Variants in TPD52 observed in about 807,000 individuals in gnomAD.
TPD52 encodes the protein prostate and colon associated protein.
In TPD52, 17 loss-of-function variants were observed where a neutral mutation model predicts 31.3. The observed-to-expected ratio is 0.54, with a 90% CI of 0.37 to 0.82. The LOEUF is 0.82. TPD52 is among the 40% of genes least tolerant of loss of function. The probability of loss-of-function intolerance (pLI) is 0.00; values close to 1 mark genes in which losing one functional copy is unlikely to be tolerated. For missense variants in TPD52, 212 were observed against 240.1 expected, an observed-to-expected ratio of 0.88 and a Z score of 0.77; for synonymous variants, 83 against 89.6, an observed-to-expected ratio of 0.93 and a Z score of 0.42.
intron 2 of TPD52, among the ~76,000 whole-genome samples, chr8:80,055,126 A>C (rs1364502925): frequency 1.3e-5 from 2 of 152,154 alleles, no homozygotes; most frequent in African/African-American, 4.8e-5. Flanking sequence ...AAAGCTTCAG[A>C]CACTTCTAAG....
chr8:80,081,156 C>A (rs866177027), intron 1 of TPD52, among the ~76,000 whole-genome samples: 6 of 109,396 alleles, frequency 5.5e-5, no homozygotes, highest in Non-Finnish European at 8.9e-5. Flanking sequence ...TTTTCTCTCT[C>A]TTTTTTTTTT....
chr8:80,161,194 C>T (rs1229106432), intron 1 of TPD52, among the ~76,000 whole-genome samples: 1 of 152,230 alleles, frequency 6.6e-6, no homozygotes, highest in East Asian at 1.9e-4. Context: ...TTAACCAACA[C>T]CGTCTCTTCT....
intron 1 of TPD52, among the ~76,000 whole-genome samples, chr8:80,093,114 G>A (rs1816415960): frequency 6.6e-6 from 1 of 152,160 alleles, no homozygotes; most frequent in Non-Finnish European, 1.5e-5. Context: ...AAAACCGGCT[G>A]TGTCACAACA....
chr8:80,048,567 A>C (rs1433684843), intron 5 of TPD52, among the ~76,000 whole-genome samples: 1 of 152,230 alleles, frequency 6.6e-6, no homozygotes, highest in Non-Finnish European at 1.5e-5. Flanking sequence ...TCTACAGCCT[A>C]AGCTCCCTTT....
At chr8:80,116,614 T>C (rs1563638055) in intron 1 of TPD52, among the ~76,000 whole-genome samples, 2 of 151,936 alleles carry the variant, frequency 1.3e-5, no homozygotes, top group Non-Finnish European at 2.9e-5. Flanking sequence ...CAGCATAAAA[T>C]AGAAGAGGAG....
intron 1 of TPD52, among the ~76,000 whole-genome samples, chr8:80,087,038 A>G (rs1419971607): frequency 6.6e-6 from 1 of 152,218 alleles, no homozygotes; most frequent in Non-Finnish European, 1.5e-5. Flanking sequence ...TCAGAAAATA[A>G]GAGTATGCAT....
intron 1 of TPD52, among the ~76,000 whole-genome samples, chr8:80,106,819 C>CA (rs1807157674): frequency 6.7e-6 from 1 of 148,966 alleles, no homozygotes; most frequent in Non-Finnish European, 1.5e-5. Context: ...ATATAAACCA[C>CA]AAAAAGCAAA....
At chr8:80,110,017 C>T (rs987183816) in intron 1 of TPD52, among the ~76,000 whole-genome samples, 2 of 152,114 alleles carry the variant, frequency 1.3e-5, no homozygotes, top group Admixed American at 6.5e-5. Context: ...GGGAGTTCAC[C>T]AAAATGCCCA....
chr8:80,139,469 T>C (rs1809670727), intron 1 of TPD52, among the ~76,000 whole-genome samples: 1 of 152,170 alleles, frequency 6.6e-6, no homozygotes, highest in Admixed American at 6.5e-5. Context: ...CATTTAAAAT[T>C]ATAAACTGTC....
chr8:80,169,253 T>C (rs1811919846), intron 1 of TPD52, among the ~76,000 whole-genome samples: 1 of 152,154 alleles, frequency 6.6e-6, no homozygotes, highest in Non-Finnish European at 1.5e-5. Context: ...AGTGCTGGGA[T>C]TACAGGTGTG....
At chr8:80,033,720 T>C (rs1210094845), downstream of TPD52, among the ~76,000 whole-genome samples, 2 of 152,138 alleles carry the variant, frequency 1.3e-5, no homozygotes, top group Admixed American at 6.5e-5. Context: ...AGGAGCGTTA[T>C]TGAATGACAG....
chr8:80,169,066 C>T (rs750286175), intron 1 of TPD52, among the ~76,000 whole-genome samples: 1 of 152,202 alleles, frequency 6.6e-6, no homozygotes, highest in Non-Finnish European at 1.5e-5. Context: ...CTCACTGCAA[C>T]CTCTGCCTCC....
chr8:80,088,666 A>C (rs962291868), intron 1 of TPD52, among the ~76,000 whole-genome samples: 1 of 152,206 alleles, frequency 6.6e-6, no homozygotes, highest in Non-Finnish European at 1.5e-5. Flanking sequence ...GTGTCTCCCC[A>C]GCTTCATGTG....
chr8:80,094,914 G>T (rs768553218), intron 1 of TPD52, among the ~76,000 whole-genome samples: 6 of 152,096 alleles, frequency 3.9e-5, no homozygotes, highest in Non-Finnish European at 8.8e-5. Flanking sequence ...GGAAGCCCTG[G>T]GAGAGGCAGG....
intron 1 of TPD52, among the ~76,000 whole-genome samples, chr8:80,148,317 A>AGTATGTGTGTGTGT (rs1554594167): frequency 6.3e-5 from 9 of 143,888 alleles, no homozygotes; most frequent in Non-Finnish European, 9.0e-5. Context: ...TTCCTGGCTA[A>AGTATGTGTGTGTGT]GTGTGTGTGT....
At chr8:80,086,911 C>CAAAAAAAAAAAAAAAAAAAAAAAAA (rs1815845476) in intron 1 of TPD52, among the ~76,000 whole-genome samples, 1 of 88,646 alleles carries the variant, frequency 1.1e-5, no homozygotes, top group Non-Finnish European at 2.4e-5. Context: ...AAAAAAAAAT[C>CAAAAAAAAAAAAAAAAAAAAAAAAA]AAATTTACTG....
rs140758543 is a variant in TPD52 at position 80,121,948 on chromosome 8, A to C, written c.19+49477T>G. ...ATTATAATTATGTAATTAATAAAGA[A>C]ATTATGTTTATCATTATTTCTACTT... On this transcript the variant is annotated intron_variant, in intron 1 of 7. Transcript: ENST00000518937. Among the ~76,000 whole-genome samples the C allele has an allele frequency of 1.2e-4, 12 of 99,262 alleles. No homozygotes were observed. The East Asian group carries it at 4.4e-3, about 36-fold the overall frequency. The allele number at this position is 99,262 out of a possible 152,430, so 65.1% of individuals were successfully genotyped here. A position where few individuals can be genotyped will look rare whatever the true frequency, so the allele number is the denominator to read the frequency against.
chr8:80,053,189 C>T, intron 3 of TPD52, 93 bp downstream of exon 3: 1 of 1,356,420 alleles, frequency 7.4e-7, no homozygotes, highest in Non-Finnish European at 9.8e-7. Context: ...GCTGCTGAAG[C>T]ATCCTTATCC....
chr8:80,114,629 C>T (rs1807733904), intron 1 of TPD52, among the ~76,000 whole-genome samples: 1 of 152,150 alleles, frequency 6.6e-6, no homozygotes, highest in South Asian at 2.1e-4. Context: ...CCCTAACTGA[C>T]CTTTCCATCC....
Sources: gnomAD v4.1 joint callset for allele counts (sites outside exome capture counted in the v4.1 genomes callset) on GRCh38, gnomAD v4.1.1 for gene constraint, MANE v1.5 for transcripts, NCBI Gene and HGNC (gene_info 2026-07-23, HGNC 2026-07-21) for gene names.